Variants in REV3L observed in about 807,000 individuals in gnomAD.
REV3L encodes REV3 like, DNA directed polymerase zeta catalytic subunit.
REV3L carries 69 observed loss-of-function variants against 299.4 expected under a neutral mutation model. The ratio of observed to expected loss-of-function variants is 0.23; its 90% CI spans 0.19 to 0.28. REV3L has a LOEUF of 0.28. Among genes scored for constraint, REV3L ranks in the 10% least tolerant of loss-of-function variants. The probability of loss-of-function intolerance (pLI) is 1.00; values close to 1 mark genes in which losing one functional copy is unlikely to be tolerated. For synonymous variants in REV3L, 1,238 were observed against 1,271.4 expected, an observed-to-expected ratio of 0.97 and a Z score of 0.56; for missense variants, 3,128 against 3,693.8, an observed-to-expected ratio of 0.85 and a Z score of 3.97.
At chr6:111,355,659 T>A (rs141285692) in intron 18 of REV3L, among the ~76,000 whole-genome samples, 2 of 152,152 alleles carry the variant, frequency 1.3e-5, no homozygotes, top group Non-Finnish European at 2.9e-5. Context: ...ATCCTATCAT[T>A]GGGAATATAC....
In REV3L at chr6:111,439,597, G is replaced by A. The variant is rs1037562670; in HGVS notation, c.140-23125C>T. Among the ~76,000 whole-genome samples, 3 of 152,246 alleles carry A rather than the reference G, an allele frequency of 2.0e-5. 1 individual carries two copies. In the East Asian group the frequency reaches 5.8e-4, roughly 29 times the overall value. ...GAGCTGCATGAAAACAAAAGAAATC[G>A]TTTTGAAGTATGGTCTTCTCTTATT... On this transcript the variant is annotated intron_variant, in intron 1 of 31. Coordinates refer to ENST00000368802, the MANE Select transcript of REV3L (RefSeq NM_001372078.1).
Position 111,430,472 on chromosome 6 carries a change from T to TTA in REV3L, c.140-14002_140-14001dup, listed in dbSNP as rs1786768265. On this transcript the variant is annotated intron_variant, in intron 1 of 31. Coordinates refer to ENST00000368802, the MANE Select transcript of REV3L (RefSeq NM_001372078.1). ...TGATTTACAATAAACCAGAGACCAT[T>TTA]TATTATAAAGCTGCAAAGAAGCGGT... The TTA allele has an allele frequency of 2.1e-5, 32 of 1,546,088 alleles. No homozygotes were observed. The South Asian group carries it at 3.3e-4, about 16-fold the overall frequency.
At chr6:111,459,130 A>G (rs954937585) in intron 1 of REV3L, among the ~76,000 whole-genome samples, 1 of 152,124 alleles carries the variant, frequency 6.6e-6, no homozygotes, top group Admixed American at 6.5e-5. Context: ...ATAAAGCCAC[A>G]CACCTACAAC....
intron 11 of REV3L, 126 bp downstream of exon 11, chr6:111,379,856 G>C (rs756793646): frequency 2.0e-4 from 139 of 691,538 alleles, no homozygotes; most frequent in Admixed American, 3.5e-4. Flanking sequence ...CACTAAAGGG[G>C]AATTTTAAAA....
intron 19 of REV3L, among the ~76,000 whole-genome samples, 164 bp downstream of exon 19, chr6:111,351,512 T>C (rs1269351462): frequency 1.3e-5 from 2 of 152,188 alleles, no homozygotes; most frequent in Admixed American, 6.5e-5. Flanking sequence ...ATTTTTTATT[T>C]TATTTTTAAT....
intron 2 of REV3L, among the ~76,000 whole-genome samples, chr6:111,414,390 G>A (rs1216540817): frequency 6.6e-6 from 1 of 152,048 alleles, no homozygotes; most frequent in African/African-American, 2.4e-5. Context: ...TTTCTGAATG[G>A]AATACAGAAA....
chr6:111,476,009 C>T (rs1440499926), intron 1 of REV3L, among the ~76,000 whole-genome samples: 5 of 152,148 alleles, frequency 3.3e-5, no homozygotes, highest in African/African-American at 1.2e-4. Flanking sequence ...TTTTCATATA[C>T]AAGTTGAATA....
At chr6:111,434,402 C>T (rs1454961903) in intron 1 of REV3L, among the ~76,000 whole-genome samples, 3 of 151,840 alleles carry the variant, frequency 2.0e-5, no homozygotes, top group Non-Finnish European at 2.9e-5. Context: ...ATCACCAGGT[C>T]AGGAGATCGA....
chr6:111,395,122 C>T (rs150354567), intron 4 of REV3L, among the ~76,000 whole-genome samples: 2 of 152,138 alleles, frequency 1.3e-5, no homozygotes, highest in East Asian at 1.9e-4. Flanking sequence ...TTTGTAGTAT[C>T]GTTTTGACCT....
intron 1 of REV3L, among the ~76,000 whole-genome samples, chr6:111,429,535 ACT>A (rs34266499): frequency 0.4 from 60,517 of 151,974 alleles, 14,555 homozygotes; most frequent in Non-Finnish European, 0.54. Context: ...TCCATTTGTA[ACT>A]CTGTTTGGTA....
intron 26 of REV3L, chr6:111,315,589 T>G (rs1265314344): frequency 5.5e-6 from 3 of 544,704 alleles, no homozygotes; most frequent in Non-Finnish European, 9.8e-6. Flanking sequence ...TTTTAAGACA[T>G]CCAATATTTC....
intron 1 of REV3L, chr6:111,431,007 A>G (rs1786850635): frequency 1.3e-6 from 2 of 1,564,202 alleles, no homozygotes; most frequent in Non-Finnish European, 1.7e-6. Context: ...AAAAGAACAA[A>G]GTCACTCCAG....
intron 7 of REV3L, among the ~76,000 whole-genome samples, chr6:111,388,620 C>T (rs1175860491): frequency 1.3e-5 from 2 of 152,108 alleles, no homozygotes; most frequent in East Asian, 3.8e-4. Context: ...GAATGTGGCA[C>T]CATTTAGCAA....
At chr6:111,343,110 T>G (rs1776688748) in intron 21 of REV3L, among the ~76,000 whole-genome samples, 1 of 152,238 alleles carries the variant, frequency 6.6e-6, no homozygotes, top group African/African-American at 2.4e-5. Flanking sequence ...TATGTTCACA[T>G]GCTGACTCAT....
At chr6:111,481,008 C>G (rs1030365936) in intron 1 of REV3L, among the ~76,000 whole-genome samples, 8 of 152,202 alleles carry the variant, frequency 5.3e-5, no homozygotes, top group African/African-American at 1.9e-4. Context: ...CATTAGCTTA[C>G]AGTGAAACTC....
chr6:111,440,232 G>C (rs1788099254), intron 1 of REV3L, among the ~76,000 whole-genome samples: 1 of 152,074 alleles, frequency 6.6e-6, no homozygotes, highest in Non-Finnish European at 1.5e-5. Context: ...ACCATGCCCG[G>C]CTAATTTTGT....
intron 1 of REV3L, among the ~76,000 whole-genome samples, chr6:111,464,759 T>C (rs1429884905): frequency 6.6e-6 from 1 of 152,176 alleles, no homozygotes; most frequent in Admixed American, 6.5e-5. Flanking sequence ...CCTTGCACTT[T>C]GGGAGGCCTA....
intron 9 of REV3L, among the ~76,000 whole-genome samples, chr6:111,383,743 G>GA (rs1781062403): frequency 6.6e-6 from 1 of 151,000 alleles, no homozygotes; most frequent in African/African-American, 2.4e-5. Flanking sequence ...ATTCTTCACA[G>GA]AAACAGAAAA....
intron 1 of REV3L, among the ~76,000 whole-genome samples, chr6:111,421,453 A>G (rs980444852): frequency 6.6e-6 from 1 of 152,196 alleles, no homozygotes; most frequent in African/African-American, 2.4e-5. Context: ...GCCTGGAAGC[A>G]GCTGTATGCA....
Sources: gnomAD v4.1 joint callset for allele counts (sites outside exome capture counted in the v4.1 genomes callset) on GRCh38, gnomAD v4.1.1 for gene constraint, MANE v1.5 for transcripts, NCBI Gene and HGNC (gene_info 2026-07-23, HGNC 2026-07-21) for gene names.